RPS6KA6: variants seen among roughly 807,000 people sequenced by gnomAD.
RPS6KA6 encodes the protein ribosomal protein S6 kinase A6.
Under a neutral mutation model 65.4 loss-of-function variants are expected in RPS6KA6, and 27 were observed. The observed-to-expected ratio is 0.41, with a 90% CI of 0.30 to 0.57. The LOEUF is 0.57. RPS6KA6 is among the 20% of genes least tolerant of loss of function. The pLI, the probability that RPS6KA6 is intolerant of heterozygous loss-of-function variation, is 0.24. For missense variants in RPS6KA6, 486 were observed against 555.6 expected (o/e 0.87, Z 1.26); for synonymous variants, 190 against 184.2 (o/e 1.03, Z -0.26).
At position 84,119,998 on chromosome X, in the gene RPS6KA6, G is replaced by C; in HGVS notation, c.676C>G (p.Gln226Glu). 1 of 1,190,272 alleles carries C rather than the reference G, an allele frequency of 8.4e-7. No individual in the cohort carries two copies. Among genetic ancestry groups the C allele is most frequent in the Non-Finnish European group, 1.1e-6 (1 of 883,789 alleles). The change falls in exon 9 of 22, where the codon CAA (glutamine) becomes GAA (glutamate). Residue 226 changes from glutamine (Q) to glutamate (E), a missense_variant. Physicochemically the swap from Gln to Glu is conservative, Grantham distance 29 (BLOSUM62 2). Transcript: ENST00000262752. ...CAAAATGAGTAAGCCTTCTTTTCTT[G>C]ATCTACTGACTCCTTGCTGAGTCCA... ...DFGLSKESVD[Q>E]EKKAYSFCGT...
chrX:84,113,569 A>T (rs1333915050), intron 12 of RPS6KA6, among the ~76,000 whole-genome samples: 3 of 112,263 alleles, frequency 2.7e-5, no homozygotes, highest in African/African-American at 9.7e-5. Context: ...AAATCATGTG[A>T]TCATCTCAAT....
At chrX:84,150,497 C>T (rs1440028122) in intron 3 of RPS6KA6, among the ~76,000 whole-genome samples, 1 of 110,115 alleles carries the variant, frequency 9.1e-6, no homozygotes, top group African/African-American at 3.3e-5. Context: ...ACTCCAAGGC[C>T]ACTATAGAGT....
At chrX:84,098,431 C>T (rs2034197835) in intron 18 of RPS6KA6, among the ~76,000 whole-genome samples, 1 of 110,995 alleles carries the variant, frequency 9.0e-6, no homozygotes, top group African/African-American at 3.3e-5. Flanking sequence ...ATTTTTCATA[C>T]AATAATTTAG....
intron 19 of RPS6KA6, among the ~76,000 whole-genome samples, chrX:84,096,690 T>C (rs759975350): frequency 1.8e-5 from 2 of 111,781 alleles, no homozygotes; most frequent in South Asian, 7.3e-4. Context: ...TTTCATATAT[T>C]CATAATGTAT....
At chrX:84,155,493 T>A (rs1034342103) in intron 3 of RPS6KA6, among the ~76,000 whole-genome samples, 1 of 112,077 alleles carries the variant, frequency 8.9e-6, no homozygotes, top group African/African-American at 3.2e-5. Context: ...AAGTGCTTAA[T>A]AAACAACTTT....
chrX:84,125,593 G>C (rs928039562), intron 8 of RPS6KA6, among the ~76,000 whole-genome samples: 1 of 111,602 alleles, frequency 9.0e-6, no homozygotes, highest in Non-Finnish European at 1.9e-5. Flanking sequence ...GGTGGATCAT[G>C]CCTGTAATCA....
At chrX:84,184,526 G>A (rs189842300) in intron 1 of RPS6KA6, among the ~76,000 whole-genome samples, 18 of 111,772 alleles carry the variant, frequency 1.6e-4, no homozygotes, top group Admixed American at 2.8e-4. Flanking sequence ...GTTAGGTAAC[G>A]TGGATTGTGT....
rs910836652 is a variant in RPS6KA6, at chrX:84,134,279, A to G, written c.646+503T>C. On this transcript the variant is annotated intron_variant, in intron 8 of 21. Coordinates refer to ENST00000262752, the MANE Select transcript of RPS6KA6 (RefSeq NM_014496.5). ...AATTTCCAGTCTTGGGCTATTACAA[A>G]TAGAGTTGTTATGAACATTCATATA... 7.1e-5 allele frequency among the ~76,000 whole-genome samples: 8 copies of G among 111,889 alleles called. No individual in the cohort carries two copies. In the Admixed American group the frequency reaches 7.6e-4, roughly 11 times the overall value.
Position 84,187,834 on chromosome X carries a change from G to C in RPS6KA6, c.66C>G (p.Gly22=). 8.3e-7 allele frequency: 1 copy of C among 1,203,530 alleles called. No homozygotes were observed. The change falls in exon 1 of 22, where the codon GGC becomes GGG. Residue 22 remains glycine, a synonymous_variant. Transcript: ENST00000262752. ...CCACACTAACCTCGCCGCTGCTCGC[G>C]CCGCCGCCGCTGAACACTTCCATTT... is the stretch of plus-strand genomic sequence containing the variant. ...DREMEVFSGG[G]ASSGEVNGLK...
At chrX:84,111,095 A>T (rs940941372) in intron 12 of RPS6KA6, among the ~76,000 whole-genome samples, 3 of 108,859 alleles carry the variant, frequency 2.8e-5, no homozygotes, top group African/African-American at 9.9e-5. Context: ...CATGCATAAG[A>T]AATAATTTTG....
intron 1 of RPS6KA6, among the ~76,000 whole-genome samples, chrX:84,170,028 T>C (rs1159128648): frequency 1.8e-5 from 2 of 108,543 alleles, no homozygotes; most frequent in Admixed American, 2.0e-4. Context: ...AAATTAGCTG[T>C]ACATAGTGAC....
At chrX:84,064,487 T>C in intron 21 of RPS6KA6, 85 bp from the exon 22 acceptor site, 1 of 868,400 alleles carries the variant, frequency 1.2e-6, no homozygotes, top group South Asian at 3.0e-5. Context: ...TCATGAGACA[T>C]ATATCTAGAA....
chrX:84,116,746 T>TG (rs68120104), intron 11 of RPS6KA6, among the ~76,000 whole-genome samples: 3,378 of 104,780 alleles, frequency 0.032, 188 homozygotes, highest in Admixed American at 0.17. Flanking sequence ...TGAAGAATAT[T>TG]GGGGGGGGGC....
intron 9 of RPS6KA6, among the ~76,000 whole-genome samples, chrX:84,119,474 C>G (rs892290971): frequency 7.2e-5 from 8 of 111,565 alleles, no homozygotes; most frequent in Non-Finnish European, 1.3e-4. Flanking sequence ...CATGATTCCT[C>G]TGCTCAACAG....
intron 1 of RPS6KA6, among the ~76,000 whole-genome samples, chrX:84,176,669 CTGAT>C (rs72092340): frequency 0.12 from 13,441 of 110,898 alleles, 787 homozygotes; most frequent in East Asian, 0.51. Context: ...TGTGAAGAAA[CTGAT>C]TAATTAAATA....
At chrX:84,094,080 C>G (rs913982623) in intron 20 of RPS6KA6, among the ~76,000 whole-genome samples, 2 of 110,178 alleles carry the variant, frequency 1.8e-5, no homozygotes, top group African/African-American at 6.6e-5. Flanking sequence ...ATAGGGATTA[C>G]TGGGTTAGTA....
At chrX:84,130,966 C>A (rs763659135) in intron 8 of RPS6KA6, among the ~76,000 whole-genome samples, 20 of 111,981 alleles carry the variant, frequency 1.8e-4, no homozygotes, top group Admixed American at 4.8e-4. Context: ...CAGAACTATA[C>A]ATACAACAAA....
intron 6 of RPS6KA6, among the ~76,000 whole-genome samples, chrX:84,136,393 T>G (rs2034992679): frequency 9.0e-6 from 1 of 111,491 alleles, no homozygotes; most frequent in African/African-American, 3.2e-5. Context: ...AATTAGTAGT[T>G]AATAACTTCT....
At position 84,058,593 on chromosome X, in the gene RPS6KA6, G is replaced by C. The variant is rs1363256132; in HGVS notation, c.*5684C>G. On this transcript the variant is annotated 3_prime_UTR_variant, in exon 22 of 22. Transcript: ENST00000262752. ...TGATAAAAAACTTAGTATAATAAAT[G>C]AAAATTTTAATGTCAAAAAACCAAT... The C allele has an allele frequency of 9.0e-6, 1 of 111,588 alleles. No individual in the cohort carries two copies. Among genetic ancestry groups the C allele is most frequent in the African/African-American group, 3.3e-5 (1 of 30,725 alleles). The allele number at this position is 111,588 out of a possible 1,213,427, so 9.2% of individuals were successfully genotyped here. A position where few individuals can be genotyped will look rare whatever the true frequency, so the allele number is the denominator to read the frequency against.
Sources: gnomAD v4.1 joint callset for allele counts (sites outside exome capture counted in the v4.1 genomes callset) on GRCh38, gnomAD v4.1.1 for gene constraint, MANE v1.5 for transcripts, NCBI Gene and HGNC (gene_info 2026-07-23, HGNC 2026-07-21) for gene names.